MRPL39: variants seen among roughly 807,000 people sequenced by gnomAD.
MRPL39 encodes mitochondrial ribosomal protein L39, also known as large ribosomal subunit protein mL39.
In MRPL39, 35 loss-of-function variants were observed where a neutral mutation model predicts 44.5. The observed-to-expected ratio is 0.79, with a 90% CI of 0.60 to 1.04. The LOEUF (loss-of-function observed/expected upper bound fraction) is 1.04. MRPL39 is among the 50% of genes least tolerant of loss of function. The pLI is 0.00. For missense variants in MRPL39, 433 were observed against 413.5 expected (o/e 1.05, Z -0.41); for synonymous variants, 139 against 136.1 (o/e 1.02, Z -0.15).
At chr21:25,587,878 G>T (rs2031050509) in intron 9 of MRPL39, 3 of 930,822 alleles carry the variant, frequency 3.2e-6, no homozygotes, top group Non-Finnish European at 3.5e-6. Context: ...CTTAACCAGT[G>T]TTTGTGGCAT....
intron 8 of MRPL39, among the ~76,000 whole-genome samples, chr21:25,592,172 G>A (rs2123230407): frequency 6.6e-6 from 1 of 152,268 alleles, no homozygotes; most frequent in East Asian, 1.9e-4. Flanking sequence ...GCAGGGTAAT[G>A]GGGGCAACAG....
chr21:25,588,953 T>G, intron 8 of MRPL39, 71 bp from the exon 9 acceptor site: 1 of 1,293,822 alleles, frequency 7.7e-7, no homozygotes. Context: ...AGAGTCTTTA[T>G]ATAGCTTTTA....
rs146207334 is a variant in MRPL39 at position 25,593,931 on chromosome 21, C to T, written c.729G>A (p.Lys243=). 5.6e-5 allele frequency: 90 copies of T among 1,613,520 alleles called. No homozygotes were observed. Among genetic ancestry groups the T allele is most frequent in the Non-Finnish European group, 7.4e-5 (87 of 1,179,874 alleles). Residue 243 remains lysine (K), a synonymous_variant, in exon 7 of 10, where the codon AAG becomes AAA. Coordinates refer to ENST00000352957, the MANE Select transcript of MRPL39 (RefSeq NM_017446.4). ...SKYKVDFIEE[K]ASQNPERIVK... Reference sequence around the variant, plus strand: ...CTATTCTCTCAGGGTTCTGAGATGCCTTCTCTTCTATGAAATCTACTTTGT... The same window carrying T: ...CTATTCTCTCAGGGTTCTGAGATGCTTTCTCTTCTATGAAATCTACTTTGT...
intron 8 of MRPL39, 58 bp from the exon 9 acceptor site, chr21:25,588,940 G>T: frequency 7.1e-7 from 1 of 1,415,502 alleles, no homozygotes; most frequent in South Asian, 1.2e-5. Flanking sequence ...AAGTAAAAAG[G>T]ACAGAGTCTT....
chr21:25,606,646 G>A lies in MRPL39; in HGVS notation c.83C>T (p.Ala28Val). The change falls in exon 2 of 10, where the codon GCA becomes GTA. Residue 28 changes from alanine (A) to valine (V), a missense_variant. Physicochemically the swap from Ala to Val is moderately conservative, Grantham distance 64 (BLOSUM62 0). Coordinates refer to ENST00000352957, the MANE Select transcript of MRPL39 (RefSeq NM_017446.4). ...TGACAGCTGAGAAGCTGACGATGTTGCTATAAATCCTGTGGAGAAGTTACA... is the reference window on the plus strand; with the variant it reads ...TGACAGCTGAGAAGCTGACGATGTTACTATAAATCCTGTGGAGAAGTTACA... ...PGGGIKWRFI[A>V]TSSASQLSPT... The A allele has an allele frequency of 6.2e-7, 1 of 1,610,352 alleles. No individual in the cohort carries two copies. Among genetic ancestry groups the A allele is most frequent in the South Asian group, 1.1e-5 (1 of 90,854 alleles).
intron 9 of MRPL39, among the ~76,000 whole-genome samples, chr21:25,586,885 C>G (rs770453022): frequency 6.6e-6 from 1 of 152,208 alleles, no homozygotes; most frequent in African/African-American, 2.4e-5. Context: ...TACACCTGAA[C>G]TGTCTGCTTA....
intron 5 of MRPL39, among the ~76,000 whole-genome samples, chr21:25,597,669 A>C (rs373343486): frequency 2.0e-5 from 3 of 152,320 alleles, no homozygotes; most frequent in South Asian, 4.1e-4. Flanking sequence ...AACTATACAG[A>C]AATTTTATCC....
chr21:25,596,673 T>TACA, intron 6 of MRPL39, among the ~76,000 whole-genome samples: 1 of 21,494 alleles, frequency 4.7e-5, no homozygotes, highest in East Asian at 3.6e-3. Flanking sequence ...CAGACTCTGT[T>TACA]ATTTTTTTTT....
intron 9 of MRPL39, among the ~76,000 whole-genome samples, chr21:25,587,174 T>C (rs1198661503): frequency 6.6e-6 from 1 of 152,246 alleles, no homozygotes; most frequent in Non-Finnish European, 1.5e-5. Context: ...TTCTACATTT[T>C]TCATTCCTTT....
intron 5 of MRPL39, among the ~76,000 whole-genome samples, chr21:25,598,019 TC>T (rs761371185): frequency 1.5e-4 from 23 of 152,142 alleles, no homozygotes; most frequent in Non-Finnish European, 3.1e-4. Context: ...AATTGAGCTT[TC>T]ATACTGTAAA....
At chr21:25,586,644 T>A (rs1236532084) in intron 9 of MRPL39, among the ~76,000 whole-genome samples, 3 of 152,338 alleles carry the variant, frequency 2.0e-5, no homozygotes, top group East Asian at 3.9e-4. Flanking sequence ...TCTTTACCTA[T>A]CCTACATGTG....
intron 6 of MRPL39, among the ~76,000 whole-genome samples, chr21:25,595,880 T>C (rs1210452136): frequency 1.3e-5 from 2 of 152,224 alleles, no homozygotes; most frequent in African/African-American, 2.4e-5. Flanking sequence ...CGTGTTCAGA[T>C]AGTCCAAAGA....
intron 2 of MRPL39, 122 bp from the exon 3 acceptor site, chr21:25,604,057 G>GA (rs1204573859): frequency 9.0e-6 from 8 of 885,404 alleles, no homozygotes; most frequent in Admixed American, 6.8e-5. Flanking sequence ...CCTTTTTAGA[G>GA]AAAAAAAGTA....
In MRPL39 at chr21:25,593,893, C is replaced by T. The variant is rs1362569513; in HGVS notation, c.767G>A (p.Arg256Lys). 6.2e-7 allele frequency: 1 copy of T among 1,612,720 alleles called. No homozygotes were observed. The highest frequency in any genetic ancestry group is 2.2e-5 in the East Asian group (1 of 44,864). ...AGCCAGTTTTTAGACTTTTACTTAC[C>T]TGTGTAGCTTGACTATTCTCTCAGG... Reference protein sequence around the residue: ...QNPERIVKLHRIGDFIDVSEG... With the variant: ...QNPERIVKLHKIGDFIDVSEG... The change falls in exon 7 of 10, where the codon AGA becomes AAA. Residue 256 changes from arginine (R) to lysine (K), a missense_variant and splice_region_variant. Transcript: ENST00000352957.
chr21:25,592,045 A>C (rs114480076), intron 8 of MRPL39, among the ~76,000 whole-genome samples: 28 of 152,348 alleles, frequency 1.8e-4, no homozygotes, highest in African/African-American at 6.3e-4. Flanking sequence ...AATTATACTG[A>C]GTGAAAAGTG....
chr21:25,599,353 C>T (rs1334967882), intron 5 of MRPL39, among the ~76,000 whole-genome samples: 1 of 152,192 alleles, frequency 6.6e-6, no homozygotes, highest in African/African-American at 2.4e-5. Context: ...CTGTATGCAA[C>T]AAGTTAAAAT....
chr21:25,591,254 C>A (rs969604411), intron 8 of MRPL39, among the ~76,000 whole-genome samples: 5 of 151,048 alleles, frequency 3.3e-5, no homozygotes, highest in African/African-American at 9.7e-5. Flanking sequence ...TAGAATTAAC[C>A]CCAAAAACAT....
In MRPL39 at chr21:25,606,577, T is replaced by C. The variant is rs1475637380; in HGVS notation, c.152A>G (p.Glu51Gly). The C allele has an allele frequency of 6.2e-7, 1 of 1,614,088 alleles. No individual in the cohort carries two copies. Among genetic ancestry groups the C allele is most frequent in the Admixed American group, 1.7e-5 (1 of 60,028 alleles). ...TEMRNDLFNK[E>G]KARQLSLTPR... ...AGTTAATGATAACTGCCTGGCTTTCTCTTTATTAAAGAGATCATTCCGCAT... is the reference window on the plus strand; with the variant it reads ...AGTTAATGATAACTGCCTGGCTTTCCCTTTATTAAAGAGATCATTCCGCAT... Residue 51 changes from glutamate to glycine, a missense_variant, in exon 2 of 10, where the codon GAG becomes GGG. Transcript: ENST00000352957.
At chr21:25,602,499 T>A (rs1028194215) in intron 3 of MRPL39, among the ~76,000 whole-genome samples, 1 of 152,252 alleles carries the variant, frequency 6.6e-6, no homozygotes, top group African/African-American at 2.4e-5. Context: ...GCTATTACTG[T>A]CATTTCTATC....
Sources: gnomAD v4.1 joint callset for allele counts (sites outside exome capture counted in the v4.1 genomes callset) on GRCh38, gnomAD v4.1.1 for gene constraint, MANE v1.5 for transcripts, NCBI Gene and HGNC (gene_info 2026-07-23, HGNC 2026-07-21) for gene names.